Variants in PHC2 observed in about 807,000 individuals in gnomAD.
PHC2 encodes polyhomeotic-like protein 2.
In PHC2, 29 loss-of-function variants were observed where a neutral mutation model predicts 87.4. The observed-to-expected ratio is 0.33, with a 90% CI of 0.25 to 0.45. The LOEUF (loss-of-function observed/expected upper bound fraction) is 0.45, where lower values mean the gene tolerates loss of function less well. Ranked by LOEUF, PHC2 falls within the 20% of genes least tolerant of loss-of-function variation. The probability of loss-of-function intolerance (pLI) is 1.00; values close to 1 mark genes in which losing one functional copy is unlikely to be tolerated. For synonymous variants in PHC2, 438 were observed against 461.7 expected, an observed-to-expected ratio of 0.95 and a Z score of 0.66; for missense variants, 857 against 1,136.7, an observed-to-expected ratio of 0.75 and a Z score of 3.54.
At chr1:33,336,547 A>G (rs1158402290) in intron 9 of PHC2, 1 of 152,240 alleles carries the variant, frequency 6.6e-6, no homozygotes. Flanking sequence ...AAATTTTTAA[A>G]CAGCTTTGGC....
Position 33,349,359 on chromosome 1 carries a change from G to A in PHC2, c.1558+5042C>T, listed in dbSNP as rs1462856141. The A allele has an allele frequency of 3.0e-6, 3 of 985,442 alleles. No homozygotes were observed. The highest frequency in any genetic ancestry group is 1.1e-4 in the East Asian group (1 of 8,788). The allele number at this position is 985,442 out of a possible 1,614,324, so 61.0% of individuals were successfully genotyped here. ...GGCCTGGGGACGCGGAAGCTGCGGC[G>A]CGCCGAGGTGACACGGCTTCCAGGG... On this transcript the variant is annotated intron_variant, in intron 9 of 14. Transcript: ENST00000683057. The surrounding 1 kb of genome is among the most constrained non-coding windows in gnomAD (Gnocchi z 4.2).
rs758195808 is a variant in PHC2, at chr1:33,370,541, C to T, written c.456G>A (p.Arg152=). The T allele has an allele frequency of 2.5e-5, 41 of 1,613,772 alleles. No individual in the cohort carries two copies. The South Asian group carries it at 3.7e-4, about 15-fold the overall frequency. Residue 152 remains arginine, a synonymous_variant, in exon 5 of 15, where the codon CGG becomes CGA. Transcript: ENST00000683057. ...ASPAAAQLLN[R]AQSVNSAAAS... ...CTGCTGCAGAGTTCACACTCTGGGC[C>T]CGGTTGAGGAGCTGGGCTGCTGCTG...
chr1:33,339,580 T>C (rs1488069306), intron 9 of PHC2, among the ~76,000 whole-genome samples: 1 of 152,172 alleles, frequency 6.6e-6, no homozygotes, highest in Non-Finnish European at 1.5e-5. Flanking sequence ...CAGGATGACC[T>C]CTAGAGGCAG....
chr1:33,360,128 A>G (rs1481476014), intron 7 of PHC2, among the ~76,000 whole-genome samples: 1 of 152,260 alleles, frequency 6.6e-6, no homozygotes, highest in Non-Finnish European at 1.5e-5. Flanking sequence ...GCATGGGGTC[A>G]GGAGGAGTTT....
At chr1:33,345,891 G>A (rs1182121064) in intron 9 of PHC2, 2 of 985,088 alleles carry the variant, frequency 2.0e-6, no homozygotes, top group African/African-American at 3.5e-5. Flanking sequence ...AATGAAAAAT[G>A]TTAAATAAGT....
chr1:33,413,719 T>G (rs1650075294), intron 1 of PHC2, among the ~76,000 whole-genome samples: 3 of 152,210 alleles, frequency 2.0e-5, no homozygotes, highest in Admixed American at 1.3e-4. Context: ...TCAGTCTTTT[T>G]CAGTAAAACT....
chr1:33,404,151 A>G (rs891396177), intron 1 of PHC2, among the ~76,000 whole-genome samples: 1 of 152,182 alleles, frequency 6.6e-6, no homozygotes, highest in African/African-American at 2.4e-5. Context: ...ATTGAAACTC[A>G]TGATTTCCCT....
At chr1:33,361,976 A>G (rs547513338) in intron 7 of PHC2, among the ~76,000 whole-genome samples, 2 of 152,356 alleles carry the variant, frequency 1.3e-5, no homozygotes, top group Admixed American at 1.3e-4. Context: ...TAACTTGATC[A>G]TAGTCATTAA....
intron 2 of PHC2, 44 bp downstream of exon 2, chr1:33,375,322 G>A: frequency 1.4e-6 from 2 of 1,422,586 alleles, no homozygotes; most frequent in Non-Finnish European, 1.9e-6. Context: ...GCTAGCCCTG[G>A]AGATGATTAA....
At chr1:33,337,289 G>C (rs1646658022) in intron 9 of PHC2, among the ~76,000 whole-genome samples, 1 of 152,178 alleles carries the variant, frequency 6.6e-6, no homozygotes, top group Non-Finnish European at 1.5e-5. Flanking sequence ...CAGCGACAAA[G>C]AAACTCACTA....
At chr1:33,417,523 GCCA>G (rs1650261699) in intron 1 of PHC2, among the ~76,000 whole-genome samples, 1 of 151,384 alleles carries the variant, frequency 6.6e-6, no homozygotes, top group African/African-American at 2.4e-5. Flanking sequence ...AAGGAATATT[GCCA>G]GAAAAAAGAA....
At chr1:33,414,177 T>TCA (rs201845759) in intron 1 of PHC2, among the ~76,000 whole-genome samples, 23,304 of 142,546 alleles carry the variant, frequency 0.16, 1,806 homozygotes, top group East Asian at 0.27. Flanking sequence ...TCTCTCTCTG[T>TCA]CACACACACA....
At chr1:33,415,967 A>G (rs1323247419) in intron 1 of PHC2, among the ~76,000 whole-genome samples, 1 of 149,754 alleles carries the variant, frequency 6.7e-6, no homozygotes, top group African/African-American at 2.4e-5. Flanking sequence ...AATGAGGCAC[A>G]GAGACACAGG....
At position 33,387,905 on chromosome 1, in the gene PHC2, C is replaced by CCCT. The variant is rs529079826; in HGVS notation, c.-54-12315_-54-12313dup. Among the ~76,000 whole-genome samples the CCCT allele has an allele frequency of 3.2e-3, 490 of 152,352 alleles. 1 individual carries two copies. Among genetic ancestry groups the CCCT allele is most frequent in the African/African-American group, 0.011 (470 of 41,582 alleles). On this transcript the variant is annotated intron_variant, in intron 1 of 14. Coordinates refer to ENST00000683057, the MANE Select transcript of PHC2 (RefSeq NM_001385109.1). ...ATGTGTCAACTAGAACTCTCTCAGG[C>CCCT]CCTGCCTGGTATCCCTGAAATCACA...
chr1:33,336,231 C>T (rs1330208409), intron 9 of PHC2, among the ~76,000 whole-genome samples: 1 of 152,032 alleles, frequency 6.6e-6, no homozygotes, highest in African/African-American at 2.4e-5. Context: ...TCAGGTGGTC[C>T]ACCTGCCTCA....
chr1:33,335,366 A>G, intron 9 of PHC2: 1 of 985,314 alleles, frequency 1.0e-6, no homozygotes, highest in Non-Finnish European at 1.2e-6. Flanking sequence ...CTTCCTAAAA[A>G]AGAAAAGAAA....
chr1:33,403,167 G>A (rs1487595113), intron 1 of PHC2, among the ~76,000 whole-genome samples: 1 of 111,170 alleles, frequency 9.0e-6, no homozygotes, highest in Non-Finnish European at 1.7e-5. Context: ...TCACCCTGTC[G>A]CCAGGCTGAA....
chr1:33,324,955 G>T lies in PHC2; in HGVS notation c.2490C>A (p.Leu830=). ...QEIDGQALLL[L]KEDHLMSAMN... ...TGGCGCTCATCAGGTGGTCCTCCTT[G>T]AGCAGCAGCAGGGCTTGCCCGTCGA... The change falls in exon 15 of 15, where the codon CTC becomes CTA. Residue 830 remains leucine (L), a synonymous_variant. Transcript: ENST00000683057. 6.2e-7 allele frequency: 1 copy of T among 1,613,966 alleles called. No individual in the cohort carries two copies. The highest frequency in any genetic ancestry group is 1.1e-5 in the South Asian group (1 of 91,060).
intron 1 of PHC2, among the ~76,000 whole-genome samples, chr1:33,387,899 C>G (rs1304683982): frequency 6.6e-6 from 1 of 152,254 alleles, no homozygotes; most frequent in Non-Finnish European, 1.5e-5. Flanking sequence ...CTAGAACTCT[C>G]TCAGGCCCTG....
Sources: gnomAD v4.1 joint callset for allele counts (sites outside exome capture counted in the v4.1 genomes callset) on GRCh38, gnomAD v4.1.1 for gene constraint, Gnocchi (gnomAD v3.1) non-coding constraint, MANE v1.5 for transcripts, NCBI Gene and HGNC (gene_info 2026-07-23, HGNC 2026-07-21) for gene names.